Variants in SRD5A2 observed in about 807,000 individuals in gnomAD.
The protein encoded by SRD5A2 is 3-oxo-5-alpha-steroid 4-dehydrogenase 2.
A neutral mutation model predicts 27.4 loss-of-function variants in SRD5A2; 30 were observed. The observed-to-expected ratio is 1.10, with a 90% CI of 0.82 to 1.49. The LOEUF (loss-of-function observed/expected upper bound fraction) is 1.49. Among genes scored for constraint, SRD5A2 ranks in the 40% most tolerant of loss-of-function variants. SRD5A2 has a pLI of 0.00. For missense variants in SRD5A2, 348 were observed against 323.4 expected (o/e 1.08, Z -0.58); for synonymous variants, 141 against 133.6 (o/e 1.06, Z -0.38).
intron 2 of SRD5A2, 57 bp from the exon 3 acceptor site, chr2:31,531,529 CT>C (rs953260511): frequency 1.1e-5 from 11 of 1,004,498 alleles, no homozygotes; most frequent in Admixed American, 2.3e-5. Context: ...GATTGTGGTG[CT>C]TTTTTCACAA....
At chr2:31,613,601 T>C in the SRD5A2 span, among the ~76,000 whole-genome samples, 1 of 152,178 alleles carries the variant, frequency 6.6e-6, no homozygotes, top group African/African-American at 2.4e-5. Flanking sequence ...TGGAAAGTAG[T>C]ATGGAAGTTC....
chr2:31,527,278 G>A lies in SRD5A2; in HGVS notation c.699-1016C>T, dbSNP rs181555258. On this transcript the variant is annotated intron_variant, in intron 4 of 4. Coordinates refer to ENST00000622030, the MANE Select transcript of SRD5A2 (RefSeq NM_000348.4). ...CTAGTTGATGCTGGCGGTCCTCAAGGCATAATCAAGATGACACACTGTATT... is the reference window on the plus strand; with the variant it reads ...CTAGTTGATGCTGGCGGTCCTCAAGACATAATCAAGATGACACACTGTATT... Among the ~76,000 whole-genome samples the A allele has an allele frequency of 7.8e-4, 119 of 152,246 alleles. 1 individual carries two copies. The highest frequency in any genetic ancestry group is 2.6e-3 in the African/African-American group (108 of 41,548).
chr2:31,614,803 A>G, the SRD5A2 span, among the ~76,000 whole-genome samples: 1 of 151,952 alleles, frequency 6.6e-6, no homozygotes, highest in African/African-American at 2.4e-5. Context: ...ATGTAAGCCA[A>G]TGATATGGTT....
At chr2:31,605,388 T>C in the SRD5A2 span, among the ~76,000 whole-genome samples, 1 of 151,792 alleles carries the variant, frequency 6.6e-6, no homozygotes, top group Non-Finnish European at 1.5e-5. Context: ...ATTTGCAAAG[T>C]GTTCATCTGA....
the SRD5A2 span, among the ~76,000 whole-genome samples, chr2:31,605,681 T>C: frequency 6.6e-6 from 1 of 151,762 alleles, no homozygotes; most frequent in Non-Finnish European, 1.5e-5. Context: ...AAGGGAACAT[T>C]TGTACACTGT....
chr2:31,651,480 C>T, the SRD5A2 span: 2 of 227,960 alleles, frequency 8.8e-6, no homozygotes, highest in Non-Finnish European at 2.0e-5. Flanking sequence ...AATGTACATG[C>T]TAATGATAGA....
the SRD5A2 span, among the ~76,000 whole-genome samples, chr2:31,610,126 C>T: frequency 6.6e-6 from 1 of 152,088 alleles, no homozygotes; most frequent in Non-Finnish European, 1.5e-5. Flanking sequence ...TTCTCAAATG[C>T]TTCCCAAAAA....
intron 1 of SRD5A2, among the ~76,000 whole-genome samples, chr2:31,537,431 T>A (rs1666048969): frequency 6.6e-6 from 1 of 152,114 alleles, no homozygotes; most frequent in African/African-American, 2.4e-5. Flanking sequence ...ACCATCACAT[T>A]CCCAAACCCA....
At chr2:31,563,476 A>G (rs1294240921) in intron 1 of SRD5A2, 1 of 152,128 alleles carries the variant, frequency 6.6e-6, no homozygotes, top group Non-Finnish European at 1.5e-5. Context: ...AATGACTCAC[A>G]CCACCTCATA....
the SRD5A2 span, among the ~76,000 whole-genome samples, chr2:31,652,645 T>A: frequency 6.6e-6 from 1 of 152,062 alleles, no homozygotes; most frequent in Non-Finnish European, 1.5e-5. Flanking sequence ...TTGGATACGG[T>A]TGAAATGCAA....
chr2:31,592,962 G>A, the SRD5A2 span, among the ~76,000 whole-genome samples: 1 of 152,182 alleles, frequency 6.6e-6, no homozygotes, highest in Admixed American at 6.5e-5. Context: ...CCTTTGTAGG[G>A]ACATGGATGA....
chr2:31,617,715 A>C, the SRD5A2 span, among the ~76,000 whole-genome samples: 1 of 152,212 alleles, frequency 6.6e-6, no homozygotes, highest in Non-Finnish European at 1.5e-5. Flanking sequence ...AACAAGCATC[A>C]ACTTTATTCC....
the SRD5A2 span, among the ~76,000 whole-genome samples, chr2:31,636,082 T>C: frequency 6.6e-6 from 1 of 152,072 alleles, no homozygotes; most frequent in Non-Finnish European, 1.5e-5. Context: ...CTGTGAAGAA[T>C]GTCATTTTTT....
intron 1 of SRD5A2, among the ~76,000 whole-genome samples, chr2:31,535,336 A>C (rs1316069780): frequency 6.6e-6 from 1 of 152,132 alleles, no homozygotes; most frequent in Non-Finnish European, 1.5e-5. Context: ...AATTTTATAA[A>C]CATAAAACAT....
intron 1 of SRD5A2, among the ~76,000 whole-genome samples, chr2:31,577,924 G>C (rs1666993061): frequency 6.6e-6 from 1 of 152,102 alleles, no homozygotes; most frequent in African/African-American, 2.4e-5. Flanking sequence ...AATGAACCTA[G>C]CCTCACCCCA....
At chr2:31,633,738 C>T in the SRD5A2 span, among the ~76,000 whole-genome samples, 2 of 152,114 alleles carry the variant, frequency 1.3e-5, no homozygotes, top group Non-Finnish European at 2.9e-5. Context: ...TCCTGTTGAG[C>T]GGGGGGACTG....
At chr2:31,633,412 A>G in the SRD5A2 span, among the ~76,000 whole-genome samples, 4 of 152,148 alleles carry the variant, frequency 2.6e-5, no homozygotes, top group African/African-American at 9.7e-5. Context: ...GGGCCTGTGA[A>G]GTGTGCCAAA....
At chr2:31,624,970 C>T in the SRD5A2 span, among the ~76,000 whole-genome samples, 1 of 152,172 alleles carries the variant, frequency 6.6e-6, no homozygotes, top group African/African-American at 2.4e-5. Flanking sequence ...GTTTACGCTC[C>T]CACCAACAGA....
At chr2:31,560,703 T>C (rs1261439040) in intron 1 of SRD5A2, among the ~76,000 whole-genome samples, 2 of 152,190 alleles carry the variant, frequency 1.3e-5, no homozygotes, top group Non-Finnish European at 2.9e-5. Flanking sequence ...TTACTCCCCT[T>C]TCCCTGTTCC....
Sources: gnomAD v4.1 joint callset for allele counts (sites outside exome capture counted in the v4.1 genomes callset) on GRCh38, gnomAD v4.1.1 for gene constraint, MANE v1.5 for transcripts, NCBI Gene and HGNC (gene_info 2026-07-23, HGNC 2026-07-21) for gene names.